AHRR: variants seen among roughly 807,000 people sequenced by gnomAD.
AHRR encodes the protein ahR repressor.
A neutral mutation model predicts 44.0 loss-of-function variants in AHRR; 28 were observed. The observed-to-expected ratio is 0.64, with a 90% confidence interval of 0.47 to 0.87. The LOEUF is 0.87. Among genes scored for constraint, AHRR ranks in the 40% least tolerant of loss-of-function variants. AHRR has a pLI of 0.00. For missense variants in AHRR, 990 were observed against 953.9 expected (o/e 1.04, Z -0.50); for synonymous variants, 434 against 407.0 (o/e 1.07, Z -0.80).
At chr5:344,943 G>T (rs12515707) in intron 2 of AHRR, among the ~76,000 whole-genome samples, 52,958 of 82,376 alleles carry the variant, frequency 0.64, 17,975 homozygotes, top group African/African-American at 0.7. Flanking sequence ...GCTGTGTGTG[G>T]GGGGGGTGTG....
Position 417,404 on chromosome 5 carries a change from C to T in AHRR, c.441+3971C>T, listed in dbSNP as rs376941992. Reference sequence around the variant, plus strand: ...CAGGGCCCGAGTTTAGAGAAGGTGGCTTGGTCTGTATGTGCAGGGCCTGAG... The same window carrying T: ...CAGGGCCCGAGTTTAGAGAAGGTGGTTTGGTCTGTATGTGCAGGGCCTGAG... On this transcript the variant is annotated intron_variant, in intron 5 of 10. Coordinates refer to ENST00000684583, the MANE Select transcript of AHRR (RefSeq NM_001377236.1). Among the ~76,000 whole-genome samples, 7 of 150,934 alleles carry T rather than the reference C, an allele frequency of 4.6e-5. No individual in the cohort carries two copies. In the East Asian group the frequency reaches 1.4e-3, roughly 30 times the overall value.
At chr5:339,455 C>A (rs73041270) in intron 1 of AHRR, among the ~76,000 whole-genome samples, 12 of 152,098 alleles carry the variant, frequency 7.9e-5, no homozygotes, top group Non-Finnish European at 1.3e-4. Flanking sequence ...ATCATGTCTG[C>A]GAACAGATAG....
In AHRR at chr5:359,402, G is replaced by A. The variant is rs11744762; in HGVS notation, c.244+5491G>A. 2.2e-4 allele frequency among the ~76,000 whole-genome samples: 13 copies of A among 58,364 alleles called. 2 individuals are homozygous for A. The highest frequency in any genetic ancestry group is 3.5e-4 in the East Asian group (1 of 2,892). The allele number at this position is 58,364 out of a possible 152,430, so 38.3% of individuals were successfully genotyped here. On this transcript the variant is annotated intron_variant, in intron 3 of 10. Coordinates refer to ENST00000684583, the MANE Select transcript of AHRR (RefSeq NM_001377236.1). Reference sequence around the variant, plus strand: ...GGAAGAGCGCCCGCGAGTGGAGGCCGTCAGTCACGGAGTCCACCCAGGCCT... The same window carrying A: ...GGAAGAGCGCCCGCGAGTGGAGGCCATCAGTCACGGAGTCCACCCAGGCCT...
chr5:343,778 T>G, intron 1 of AHRR, 115 bp from the exon 2 acceptor site: 1 of 1,051,050 alleles, frequency 9.5e-7, no homozygotes, highest in Non-Finnish European at 1.3e-6. Flanking sequence ...GGTGGGGGCC[T>G]CGCGGGGTCG....
rs111946868 is a variant in AHRR, at chr5:371,290, C to T, written c.245-5320C>T. 5.9e-5 allele frequency among the ~76,000 whole-genome samples: 9 copies of T among 152,256 alleles called. 1 individual carries two copies. Among genetic ancestry groups the T allele is most frequent in the African/African-American group, 1.9e-4 (8 of 41,542 alleles). On this transcript the variant is annotated intron_variant, in intron 3 of 10. Coordinates refer to ENST00000684583, the MANE Select transcript of AHRR (RefSeq NM_001377236.1). ...GAAACACCTCCCAACACAGCAGGCA[C>T]GATGTTTAATCGCAGCACCCAGTGC... is the stretch of plus-strand genomic sequence containing the variant.
chr5:427,763 G>A, intron 7 of AHRR, 44 bp from the exon 8 acceptor site: 1 of 1,611,856 alleles, frequency 6.2e-7, no homozygotes, highest in Non-Finnish European at 8.5e-7. Context: ...ACCTTGCCAG[G>A]CCACTTGGTG....
rs1019343073 is a variant in AHRR, at chr5:405,466, G to A, written c.352-7878G>A. ...ATGGTGTTGCCCGCTGTTTTGTTGTGACAGCTGGGCAGGGGCTCCCTGACA... is the reference window on the plus strand; with the variant it reads ...ATGGTGTTGCCCGCTGTTTTGTTGTAACAGCTGGGCAGGGGCTCCCTGACA... On this transcript the variant is annotated intron_variant, in intron 4 of 10. Transcript: ENST00000684583. The surrounding 1 kb of genome is among the most constrained non-coding windows in gnomAD (Gnocchi z 4.5). Among the ~76,000 whole-genome samples the A allele has an allele frequency of 2.6e-5, 4 of 152,188 alleles. No individual in the cohort carries two copies. The highest frequency in any genetic ancestry group is 4.8e-5 in the African/African-American group (2 of 41,440).
chr5:392,667 A>T lies in AHRR; in HGVS notation c.351+15951A>T, dbSNP rs1269128543. Among the ~76,000 whole-genome samples, 4 of 151,736 alleles carry T rather than the reference A, an allele frequency of 2.6e-5. No individual in the cohort carries two copies. The East Asian group carries it at 7.7e-4, about 29-fold the overall frequency. Reference sequence around the variant, plus strand: ...AAAGCAGTCGCTCAAAGCAGCAGGAAGTGATGTGGCGGGAAGGCTGGTTTT... The same window carrying T: ...AAAGCAGTCGCTCAAAGCAGCAGGATGTGATGTGGCGGGAAGGCTGGTTTT... On this transcript the variant is annotated intron_variant, in intron 4 of 10. Coordinates refer to ENST00000684583, the MANE Select transcript of AHRR (RefSeq NM_001377236.1).
intron 7 of AHRR, among the ~76,000 whole-genome samples, chr5:425,379 G>A (rs1736337546): frequency 6.6e-6 from 1 of 152,184 alleles, no homozygotes; most frequent in Admixed American, 6.5e-5. Context: ...AGTGCCTGGT[G>A]CAATCTCGGC....
chr5:420,711 TG>T (rs1736041728), intron 5 of AHRR, among the ~76,000 whole-genome samples: 1 of 152,026 alleles, frequency 6.6e-6, no homozygotes, highest in African/African-American at 2.4e-5. Flanking sequence ...ACACCTTGCA[TG>T]GAAGGCGGCC....
At chr5:430,982 C>T (rs1434721198) in intron 8 of AHRR, among the ~76,000 whole-genome samples, 3 of 152,238 alleles carry the variant, frequency 2.0e-5, no homozygotes, top group Non-Finnish European at 4.4e-5. Context: ...CTGCAGGGCT[C>T]GGGCCCAGGT....
At chr5:345,673 A>G (rs1742647410) in intron 2 of AHRR, among the ~76,000 whole-genome samples, 1 of 151,120 alleles carries the variant, frequency 6.6e-6, no homozygotes, top group Non-Finnish European at 1.5e-5. Flanking sequence ...ATTCACAGCA[A>G]TGCCACCCTC....
Position 435,955 on chromosome 5 carries a change from G to C in AHRR, c.*1121G>C, listed in dbSNP as rs914998119. On this transcript the variant is annotated 3_prime_UTR_variant, in exon 11 of 11. Coordinates refer to ENST00000684583, the MANE Select transcript of AHRR (RefSeq NM_001377236.1). ...ACCTACAGCTGATGGTGCATTTCAG[G>C]CTTCTTCCACGGTCTGGCCTGGAAC... 2.0e-5 allele frequency: 3 copies of C among 152,760 alleles called. No individual in the cohort carries two copies. Among genetic ancestry groups the C allele is most frequent in the African/African-American group, 7.2e-5 (3 of 41,434 alleles). The allele number at this position is 152,760 out of a possible 1,614,324, so 9.5% of individuals were successfully genotyped here.
chr5:410,352 A>G (rs559697728), intron 4 of AHRR, among the ~76,000 whole-genome samples: 67 of 152,128 alleles, frequency 4.4e-4, no homozygotes, highest in Non-Finnish European at 7.4e-4. Context: ...ATGCACCACC[A>G]TGCCCAGCTA....
intron 8 of AHRR, chr5:432,240 G>T (rs1054388501): frequency 7.7e-6 from 4 of 519,262 alleles, no homozygotes; most frequent in South Asian, 7.2e-5. Flanking sequence ...CCCTTCATTG[G>T]CCTGAAAAGT....
At position 420,929 on chromosome 5, in the gene AHRR, C is replaced by G. The variant is rs1036435990; in HGVS notation, c.442-1800C>G. On this transcript the variant is annotated intron_variant, in intron 5 of 10. Coordinates refer to ENST00000684583, the MANE Select transcript of AHRR (RefSeq NM_001377236.1). ...ACGCACGCATCCAGGCACGCACACG[C>G]AGCCACCCACCCACACAGGCGCACA... 5.4e-5 allele frequency: 19 copies of G among 352,526 alleles called. 1 individual carries two copies. The highest frequency in any genetic ancestry group is 4.6e-4 in the South Asian group (19 of 41,142). The allele number at this position is 352,526 out of a possible 1,614,324, so 21.8% of individuals were successfully genotyped here. A position where few individuals can be genotyped will look rare whatever the true frequency, so the allele number is the denominator to read the frequency against.
rs75887410 is a variant in AHRR at position 420,898 on chromosome 5, C to T, written c.442-1831C>T. ...CACGCAGCACGCACAGACCCACGCA[C>T]GCAGCACGCACGCATCCAGGCACGC... is the stretch of plus-strand genomic sequence containing the variant. On this transcript the variant is annotated intron_variant, in intron 5 of 10. Coordinates refer to ENST00000684583, the MANE Select transcript of AHRR (RefSeq NM_001377236.1). The T allele has an allele frequency of 7.3e-3, 2,422 of 332,310 alleles. 34 individuals are homozygous for T. Among genetic ancestry groups the T allele is most frequent in the African/African-American group, 0.049 (2,098 of 42,678 alleles). 20.6% of individuals were successfully genotyped at this position (332,310 alleles called of 1,614,324 possible). A position where few individuals can be genotyped will look rare whatever the true frequency, so the allele number is the denominator to read the frequency against.
Position 370,064 on chromosome 5 carries a change from A to G in AHRR, c.245-6546A>G, listed in dbSNP as rs868011406. ...CCTCCCGGGCTCTTGCTGGTGCCCCATCCTCCCGGGCCCTCGCTGGAAGCC... is the reference window on the plus strand; with the variant it reads ...CCTCCCGGGCTCTTGCTGGTGCCCCGTCCTCCCGGGCCCTCGCTGGAAGCC... On this transcript the variant is annotated intron_variant, in intron 3 of 10. Coordinates refer to ENST00000684583, the MANE Select transcript of AHRR (RefSeq NM_001377236.1). This position sits in a 1 kb window ranked among gnomAD's most constrained non-coding sequence, Gnocchi z 4.5. 1.8e-3 allele frequency among the ~76,000 whole-genome samples: 242 copies of G among 136,898 alleles called. 1 individual carries two copies. Among genetic ancestry groups the G allele is most frequent in the African/African-American group, 5.2e-3 (195 of 37,170 alleles). The allele number at this position is 136,898 out of a possible 152,430, so 89.8% of individuals were successfully genotyped here.
At chr5:330,637 G>A (rs1251970912) in intron 1 of AHRR, among the ~76,000 whole-genome samples, 2 of 152,100 alleles carry the variant, frequency 1.3e-5, no homozygotes, top group African/African-American at 4.8e-5. Flanking sequence ...GCCTCCCAAA[G>A]TGGGATTACA....
Sources: allele counts gnomAD v4.1 joint callset (sites outside exome capture counted in the v4.1 genomes callset), GRCh38; gene constraint gnomAD v4.1.1; non-coding constraint Gnocchi (gnomAD v3.1); transcripts MANE v1.5; gene names NCBI Gene and HGNC (gene_info 2026-07-23, HGNC 2026-07-21).